Variants in SUPT3H observed in about 807,000 individuals in gnomAD.
SUPT3H encodes the protein SPT3 homolog, SAGA and STAGA complex component.
Under a neutral mutation model 44.3 loss-of-function variants are expected in SUPT3H, and 44 were observed. The ratio of observed to expected loss-of-function variants is 0.99; its 90% CI spans 0.78 to 1.28. The LOEUF is 1.28. Ranked by LOEUF, SUPT3H falls within the 50% of genes most tolerant of loss-of-function variation. The probability of loss-of-function intolerance (pLI) is 0.00; values close to 1 mark genes in which losing one functional copy is unlikely to be tolerated. For missense variants in SUPT3H, 380 were observed against 387.1 expected (o/e 0.98, Z 0.15); for synonymous variants, 124 against 125.6 (o/e 0.99, Z 0.09).
At chr6:44,818,068 T>C (rs1161608005) in intron 11 of SUPT3H, among the ~76,000 whole-genome samples, 2 of 152,158 alleles carry the variant, frequency 1.3e-5, no homozygotes, top group Non-Finnish European at 2.9e-5. Context: ...ATAGAAGTCA[T>C]AGTAATCAAG....
intron 10 of SUPT3H, among the ~76,000 whole-genome samples, chr6:44,900,918 G>C (rs1349427307): frequency 6.6e-6 from 1 of 152,162 alleles, no homozygotes; most frequent in Non-Finnish European, 1.5e-5. Flanking sequence ...ACAGGGTCTG[G>C]AGTGGACCTC....
intron 3 of SUPT3H, among the ~76,000 whole-genome samples, chr6:45,091,871 A>C (rs957813046): frequency 2.0e-5 from 3 of 151,784 alleles, no homozygotes; most frequent in African/African-American, 4.8e-5. Flanking sequence ...GGTCATATAA[A>C]ATTTTTGGTC....
At chr6:45,161,472 C>G (rs1264478682) in intron 2 of SUPT3H, among the ~76,000 whole-genome samples, 1 of 152,118 alleles carries the variant, frequency 6.6e-6, no homozygotes, top group Non-Finnish European at 1.5e-5. Context: ...AGAAAAATAT[C>G]TCTACTCTCT....
chr6:44,969,607 C>CA (rs1453330054), intron 6 of SUPT3H, among the ~76,000 whole-genome samples: 1 of 151,758 alleles, frequency 6.6e-6, no homozygotes, highest in Non-Finnish European at 1.5e-5. Context: ...GAAAAAAAAT[C>CA]AAAAAACAAA....
At chr6:45,283,618 C>T (rs564823040) in intron 2 of SUPT3H, among the ~76,000 whole-genome samples, 2 of 152,250 alleles carry the variant, frequency 1.3e-5, no homozygotes, top group African/African-American at 4.8e-5. Flanking sequence ...GAGACTTAGA[C>T]TCCCACACGA....
At chr6:45,103,326 A>G (rs1325734133) in intron 3 of SUPT3H, among the ~76,000 whole-genome samples, 1 of 152,182 alleles carries the variant, frequency 6.6e-6, no homozygotes, top group East Asian at 1.9e-4. Context: ...ATCTACTGTA[A>G]TAAGAGGATT....
At chr6:45,117,613 ATAAT>A in intron 2 of SUPT3H, among the ~76,000 whole-genome samples, 1 of 152,252 alleles carries the variant, frequency 6.6e-6, no homozygotes, top group Middle Eastern at 3.4e-3. Flanking sequence ...CCACCTGGCA[ATAAT>A]TAATACCACT....
chr6:45,371,328 A>C (rs948385466), intron 1 of SUPT3H, among the ~76,000 whole-genome samples: 3 of 152,176 alleles, frequency 2.0e-5, no homozygotes, highest in Admixed American at 6.5e-5. Flanking sequence ...TGGGGGATTT[A>C]CTGTAGGCAT....
At chr6:44,861,369 C>A (rs1224709391) in intron 10 of SUPT3H, among the ~76,000 whole-genome samples, 1 of 111,138 alleles carries the variant, frequency 9.0e-6, no homozygotes, top group African/African-American at 3.1e-5. Flanking sequence ...TGATGCTCAG[C>A]CACAGTTTTC....
intron 1 of SUPT3H, among the ~76,000 whole-genome samples, chr6:45,375,238 T>C (rs1008509917): frequency 6.6e-6 from 1 of 152,146 alleles, no homozygotes; most frequent in Non-Finnish European, 1.5e-5. Flanking sequence ...GATATTGCAA[T>C]GTGGTTAATC....
At chr6:45,028,896 CAAAAAAAAAAAAAA>C (rs57234806) in intron 3 of SUPT3H, among the ~76,000 whole-genome samples, 2 of 71,052 alleles carry the variant, frequency 2.8e-5, no homozygotes, top group African/African-American at 6.3e-5. Context: ...AAACAGTTGC[CAAAAAAAAAAAAAA>C]AAAAAAAAAA....
intron 3 of SUPT3H, among the ~76,000 whole-genome samples, chr6:45,042,896 T>C (rs191312266): frequency 6.6e-6 from 1 of 152,174 alleles, no homozygotes; most frequent in African/African-American, 2.4e-5. Context: ...AAATTAGTTT[T>C]TAATGCTTAA....
chr6:45,198,648 TAA>T (rs1456771803), intron 2 of SUPT3H, among the ~76,000 whole-genome samples: 3 of 151,302 alleles, frequency 2.0e-5, no homozygotes, highest in Non-Finnish European at 3.0e-5. Context: ...CTTCTTGATA[TAA>T]GTTAATTTTT....
intron 2 of SUPT3H, among the ~76,000 whole-genome samples, chr6:45,326,788 T>C (rs1786418386): frequency 6.6e-6 from 1 of 151,882 alleles, no homozygotes. Flanking sequence ...GATATTTTAG[T>C]TCTAACACCC....
intron 3 of SUPT3H, chr6:45,098,723 G>A: frequency 2.3e-6 from 1 of 425,568 alleles, no homozygotes; most frequent in Non-Finnish European, 4.6e-6. Context: ...TTGGTAGTCT[G>A]GATAATACCC....
chr6:45,266,240 C>T (rs1775242206), intron 2 of SUPT3H, among the ~76,000 whole-genome samples: 1 of 151,762 alleles, frequency 6.6e-6, no homozygotes, highest in Non-Finnish European at 1.5e-5. Context: ...AATTACTTTA[C>T]AATTCCAAAT....
intron 3 of SUPT3H, among the ~76,000 whole-genome samples, chr6:45,099,812 AATG>A (rs1562457451): frequency 6.6e-6 from 1 of 152,208 alleles, no homozygotes; most frequent in Non-Finnish European, 1.5e-5. Flanking sequence ...CTAAAAATGA[AATG>A]ATGACCTCAT....
At chr6:45,170,976 C>T (rs963378318) in intron 2 of SUPT3H, among the ~76,000 whole-genome samples, 3 of 152,112 alleles carry the variant, frequency 2.0e-5, no homozygotes, top group East Asian at 1.9e-4. Flanking sequence ...GCCAAACAAA[C>T]GTCTTAGTGA....
intron 2 of SUPT3H, among the ~76,000 whole-genome samples, chr6:45,170,371 T>C (rs1319946176): frequency 6.6e-6 from 1 of 152,206 alleles, no homozygotes; most frequent in Non-Finnish European, 1.5e-5. Context: ...AACAGTAACA[T>C]GAAATTTTCC....
Sources: gnomAD v4.1 joint callset for allele counts (sites outside exome capture counted in the v4.1 genomes callset) on GRCh38, gnomAD v4.1.1 for gene constraint, MANE v1.5 for transcripts, NCBI Gene and HGNC (gene_info 2026-07-23, HGNC 2026-07-21) for gene names.